SRGAP2C: variants seen among roughly 807,000 people sequenced by gnomAD.
The protein encoded by SRGAP2C is SLIT-ROBO Rho GTPase activating protein 2C.
In SRGAP2C, 15 loss-of-function variants were observed where a neutral mutation model predicts 25.1. The observed-to-expected ratio is 0.60, with a 90% CI of 0.40 to 0.92. SRGAP2C has a LOEUF of 0.92. Among genes scored for constraint, SRGAP2C ranks in the 40% least tolerant of loss-of-function variants. SRGAP2C has a pLI of 0.00. For missense variants in SRGAP2C, 144 were observed against 264.4 expected (o/e 0.54, Z 3.16); for synonymous variants, 44 against 96.6 (o/e 0.46, Z 3.19).
chr1:121,286,835 A>G (rs1453568820), intron 3 of SRGAP2C, among the ~76,000 whole-genome samples: 1 of 150,374 alleles, frequency 6.7e-6, no homozygotes, highest in African/African-American at 2.4e-5. Flanking sequence ...AGCCAAACAG[A>G]ACATTCACTC....
chr1:121,320,969 G>A (rs1215657217), intron 3 of SRGAP2C, among the ~76,000 whole-genome samples: 2 of 152,208 alleles, frequency 1.3e-5, no homozygotes, highest in Non-Finnish European at 2.9e-5. Context: ...TGTGTGTCAA[G>A]TTATAGGCTC....
chr1:121,314,476 C>T (rs1419220203), intron 3 of SRGAP2C, among the ~76,000 whole-genome samples: 2 of 152,198 alleles, frequency 1.3e-5, no homozygotes, highest in African/African-American at 2.4e-5. Flanking sequence ...TGAGAAACTG[C>T]GTTCCTTTGG....
chr1:121,315,418 T>C (rs1199160248), intron 3 of SRGAP2C, among the ~76,000 whole-genome samples: 1 of 146,814 alleles, frequency 6.8e-6, no homozygotes, highest in Non-Finnish European at 1.5e-5. Context: ...AGACTCTGGG[T>C]CTTAAGCATA....
intron 4 of SRGAP2C, among the ~76,000 whole-genome samples, chr1:121,331,191 C>A (rs1338291584): frequency 1.2e-5 from 1 of 80,416 alleles, no homozygotes; most frequent in Admixed American, 1.5e-4. Context: ...ATATTCTAAC[C>A]TTTGGAACCT....
rs587640982 is a variant in SRGAP2C, at chr1:121,347,207, A to T, written c.424-18086A>T. On this transcript the variant is annotated intron_variant, in intron 4 of 9. Coordinates refer to ENST00000367123, the MANE Select transcript of SRGAP2C (RefSeq NM_001329984.2). ...CTGTGGTCTAGAGAAACAGCTAAGG[A>T]AGGCAAATCTGAATTAAAATCTGGT... 7.1e-4 allele frequency among the ~76,000 whole-genome samples: 78 copies of T among 109,870 alleles called. No homozygotes were observed. The East Asian group carries it at 0.01, about 14-fold the overall frequency. 72.1% of individuals were successfully genotyped at this position (109,870 alleles called of 152,430 possible).
intron 3 of SRGAP2C, among the ~76,000 whole-genome samples, chr1:121,313,058 C>A (rs1156791109): frequency 2.4e-5 from 1 of 42,224 alleles, no homozygotes; most frequent in African/African-American, 1.1e-4. Flanking sequence ...GTGTGGGAGT[C>A]TAAGTCTCTT....
At chr1:121,189,096 C>A (rs1416432164) in intron 2 of SRGAP2C, among the ~76,000 whole-genome samples, 1 of 29,062 alleles carries the variant, frequency 3.4e-5, no homozygotes, top group Non-Finnish European at 5.4e-5. Context: ...CCAGATATGT[C>A]TTTTTTTTTT....
At chr1:121,313,528 C>T (rs1311586095) in intron 3 of SRGAP2C, among the ~76,000 whole-genome samples, 1 of 135,234 alleles carries the variant, frequency 7.4e-6, no homozygotes, top group African/African-American at 3.0e-5. Context: ...TCTCGATGGT[C>T]TTTACATTTT....
At chr1:121,285,212 C>G (rs1657332888) in intron 3 of SRGAP2C, among the ~76,000 whole-genome samples, 1 of 150,754 alleles carries the variant, frequency 6.6e-6, no homozygotes, top group Admixed American at 6.6e-5. Flanking sequence ...CTAATAATAA[C>G]AGCAAACTTG....
chr1:121,257,211 G>A (rs587621433), intron 2 of SRGAP2C, among the ~76,000 whole-genome samples: 1 of 103,768 alleles, frequency 9.6e-6, no homozygotes, highest in African/African-American at 3.8e-5. Context: ...CCTCTCCCGG[G>A]TTCAAGTGAT....
At chr1:121,236,368 CTT>C (rs1655958960) in intron 2 of SRGAP2C, among the ~76,000 whole-genome samples, 1 of 150,742 alleles carries the variant, frequency 6.6e-6, no homozygotes, top group African/African-American at 2.4e-5. Context: ...GGTTTTGAAA[CTT>C]TTGCTTCAGT....
chr1:121,287,070 TCTC>T (rs1213537932), intron 3 of SRGAP2C, among the ~76,000 whole-genome samples: 4 of 69,282 alleles, frequency 5.8e-5, no homozygotes, highest in Admixed American at 1.8e-4. Flanking sequence ...TCTGTTATCT[TCTC>T]TGAGTGGACT....
At chr1:121,216,321 A>T (rs1655384247) in intron 2 of SRGAP2C, among the ~76,000 whole-genome samples, 1 of 152,084 alleles carries the variant, frequency 6.6e-6, no homozygotes, top group Admixed American at 6.5e-5. Flanking sequence ...TCCATTTCTC[A>T]TTGGGGTTAG....
intron 2 of SRGAP2C, among the ~76,000 whole-genome samples, chr1:121,280,226 C>T (rs1255074637): frequency 6.9e-6 from 1 of 145,946 alleles, no homozygotes; most frequent in Admixed American, 6.9e-5. Flanking sequence ...AAATTGGGTT[C>T]CTCTTGCAAG....
intron 5 of SRGAP2C, among the ~76,000 whole-genome samples, chr1:121,367,947 G>T (rs12119768): frequency 0.24 from 21,507 of 90,604 alleles, 3,683 homozygotes; most frequent in Non-Finnish European, 0.35. Context: ...ATGGTGGCGG[G>T]TGCCTGTCGT....
At chr1:121,232,758 A>G (rs1233761214) in intron 2 of SRGAP2C, among the ~76,000 whole-genome samples, 9 of 152,200 alleles carry the variant, frequency 5.9e-5, no homozygotes, top group Admixed American at 2.0e-4. Flanking sequence ...TCTCCTGACT[A>G]TAGTAGCTAC....
chr1:121,291,130 G>C (rs1657483301), intron 3 of SRGAP2C, among the ~76,000 whole-genome samples: 1 of 131,478 alleles, frequency 7.6e-6, no homozygotes, highest in African/African-American at 2.8e-5. Flanking sequence ...AAAAAGTGGG[G>C]GGAGTGGAAA....
At chr1:121,308,893 C>T (rs1425175388) in intron 3 of SRGAP2C, among the ~76,000 whole-genome samples, 19 of 132,840 alleles carry the variant, frequency 1.4e-4, no homozygotes, top group South Asian at 2.7e-4. Flanking sequence ...GAGCCGAGAT[C>T]GCACCATTGC....
At chr1:121,309,437 T>TA (rs1333039491) in intron 3 of SRGAP2C, among the ~76,000 whole-genome samples, 1 of 136,366 alleles carries the variant, frequency 7.3e-6, no homozygotes, top group Non-Finnish European at 1.6e-5. Flanking sequence ...TTTTTTTTTT[T>TA]AATACTTTAA....
Sources: gnomAD v4.1 joint callset for allele counts (sites outside exome capture counted in the v4.1 genomes callset) on GRCh38, gnomAD v4.1.1 for gene constraint, MANE v1.5 for transcripts, NCBI Gene and HGNC (gene_info 2026-07-23, HGNC 2026-07-21) for gene names.